The following ERICH1 variants were observed in gnomAD, a reference collection of about 807,000 sequenced individuals.
ERICH1 encodes the protein glutamate-rich protein 1.
Under a neutral mutation model 39.6 loss-of-function variants are expected in ERICH1, and 56 were observed. The ratio of observed to expected loss-of-function variants is 1.41; its 90% CI spans 1.14 to 1.77. The LOEUF (loss-of-function observed/expected upper bound fraction) is 1.77, where lower values mean the gene tolerates loss of function less well. Among genes scored for constraint, ERICH1 ranks in the 40% most tolerant of loss-of-function variants. The probability of loss-of-function intolerance (pLI) is 0.00; values close to 1 mark genes in which losing one functional copy is unlikely to be tolerated. For synonymous variants in ERICH1, 313 were observed against 223.6 expected (o/e 1.40, Z -3.57); for missense variants, 826 against 575.4 (o/e 1.44, Z -4.45).
intron 3 of ERICH1, among the ~76,000 whole-genome samples, chr8:636,222 T>G (rs1031961415): frequency 6.6e-6 from 1 of 152,186 alleles, no homozygotes; most frequent in African/African-American, 2.4e-5. Context: ...ACCACCTCCA[T>G]GGCCCTGAGC....
intron 3 of ERICH1, among the ~76,000 whole-genome samples, chr8:682,366 C>G (rs2131964514): frequency 6.6e-6 from 1 of 152,302 alleles, no homozygotes; most frequent in Middle Eastern, 3.4e-3. Context: ...GAGGCTTCAT[C>G]CAAACAGCTC....
intron 3 of ERICH1, among the ~76,000 whole-genome samples, chr8:692,219 A>C (rs1809056117): frequency 6.6e-6 from 1 of 152,236 alleles, no homozygotes; most frequent in Non-Finnish European, 1.5e-5. Context: ...AAGCATTAAC[A>C]AACATGGGCT....
At chr8:685,038 A>T (rs1806983032) in intron 3 of ERICH1, among the ~76,000 whole-genome samples, 1 of 152,218 alleles carries the variant, frequency 6.6e-6, no homozygotes, top group South Asian at 2.1e-4. Context: ...ACTAGAATTC[A>T]CCAGGCTGGA....
At chr8:671,227 C>G (rs1372272677) in intron 4 of ERICH1, among the ~76,000 whole-genome samples, 1 of 142,222 alleles carries the variant, frequency 7.0e-6, no homozygotes, top group African/African-American at 2.7e-5. Context: ...GCCCACTGGT[C>G]CCCAGGCTCT....
chr8:641,018 C>T (rs1240792311), intron 3 of ERICH1: 1 of 152,176 alleles, frequency 6.6e-6, no homozygotes, highest in Non-Finnish European at 1.5e-5. Flanking sequence ...GGGATTCGCC[C>T]TGATGCTTCG....
intron 2 of ERICH1, among the ~76,000 whole-genome samples, chr8:711,549 A>T (rs959573598): frequency 6.7e-6 from 1 of 149,958 alleles, no homozygotes; most frequent in African/African-American, 2.5e-5. Context: ...CCCAGGCCGG[A>T]CTGCAGTGGC....
intron 3 of ERICH1, among the ~76,000 whole-genome samples, chr8:674,294 T>TG (rs1804152920): frequency 7.5e-6 from 1 of 133,568 alleles, no homozygotes. Context: ...TACAAGTTGT[T>TG]GCTTTTTTTT....
chr8:699,253 C>T (rs1811099137), intron 2 of ERICH1, among the ~76,000 whole-genome samples: 1 of 152,120 alleles, frequency 6.6e-6, no homozygotes, highest in Non-Finnish European at 1.5e-5. Flanking sequence ...AAAGGTATTT[C>T]CCACCTGCAT....
intron 3 of ERICH1, among the ~76,000 whole-genome samples, chr8:635,542 C>T (rs1022779162): frequency 6.6e-6 from 1 of 152,202 alleles, no homozygotes; most frequent in African/African-American, 2.4e-5. Context: ...GATCACAGCC[C>T]GCAGGCGGCA....
At chr8:705,710 G>A (rs2132247110) in intron 2 of ERICH1, among the ~76,000 whole-genome samples, 1 of 152,262 alleles carries the variant, frequency 6.6e-6, no homozygotes, top group East Asian at 1.9e-4. Flanking sequence ...ACAAAAGGAA[G>A]CAAAGGGCAT....
intron 3 of ERICH1, among the ~76,000 whole-genome samples, chr8:625,167 G>T (rs1175015820): frequency 6.6e-6 from 1 of 152,116 alleles, no homozygotes; most frequent in Non-Finnish European, 1.5e-5. Context: ...GATTTGGGTG[G>T]GGACACGAAT....
At chr8:631,622 T>G (rs892209708) in intron 3 of ERICH1, among the ~76,000 whole-genome samples, 2 of 152,198 alleles carry the variant, frequency 1.3e-5, no homozygotes, top group Non-Finnish European at 2.9e-5. Flanking sequence ...GAGAGTTTTT[T>G]GTTTGTTTGT....
intron 3 of ERICH1, among the ~76,000 whole-genome samples, chr8:636,252 C>T (rs554758440): frequency 5.3e-5 from 8 of 152,370 alleles, no homozygotes; most frequent in African/African-American, 1.9e-4. Flanking sequence ...CGTTCACAGC[C>T]TCCCTGAAGC....
rs116103379 is a variant in ERICH1, at chr8:708,310, C to T, written c.169+7551G>A. Among the ~76,000 whole-genome samples, 1,426 of 152,272 alleles carry T rather than the reference C, an allele frequency of 9.4e-3. 24 individuals are homozygous for T. The highest frequency in any genetic ancestry group is 0.032 in the African/African-American group (1,333 of 41,534). ...AGTATAAACTCAAGAGAATCGAAAA[C>T]ATACGTCCACACCAGGCCACACAAG... On this transcript the variant is annotated intron_variant, in intron 2 of 5. Transcript: ENST00000262109.
At chr8:712,411 A>G (rs2132313049) in intron 2 of ERICH1, among the ~76,000 whole-genome samples, 1 of 149,002 alleles carries the variant, frequency 6.7e-6, no homozygotes, top group South Asian at 2.2e-4. Context: ...TGGTAATATA[A>G]ATGATACCGT....
intron 4 of ERICH1, among the ~76,000 whole-genome samples, chr8:672,488 C>A (rs1563221803): frequency 6.6e-6 from 1 of 152,158 alleles, no homozygotes; most frequent in Non-Finnish European, 1.5e-5. Context: ...CATAAGAACA[C>A]CATCAAATGC....
At chr8:698,104 C>T (rs941463742) in intron 2 of ERICH1, among the ~76,000 whole-genome samples, 2 of 152,208 alleles carry the variant, frequency 1.3e-5, no homozygotes, top group African/African-American at 2.4e-5. Context: ...CGCCTGCCCC[C>T]GTGCAGGGGT....
intron 2 of ERICH1, among the ~76,000 whole-genome samples, chr8:698,472 G>C (rs1810896344): frequency 6.6e-6 from 1 of 152,088 alleles, no homozygotes; most frequent in Non-Finnish European, 1.5e-5. Context: ...TCCTGCCTCG[G>C]CCTCCTAAAG....
In ERICH1 at chr8:673,865, T is replaced by G; in HGVS notation, c.487A>C (p.Arg163=). Reference sequence around the variant, plus strand: ...ATTTGCTGTTTCTTTTTCAGTTTCCTTTTTTTATTTTTGCTTATTGTGGTG... The same window carrying G: ...ATTTGCTGTTTCTTTTTCAGTTTCCGTTTTTTATTTTTGCTTATTGTGGTG... ...DGTTISKNKK[R]KLKKKQQIKR... Residue 163 remains arginine, a synonymous_variant, in exon 4 of 6, where the codon AGG becomes CGG. Transcript: ENST00000262109. 1.2e-6 allele frequency: 2 copies of G among 1,613,580 alleles called. No homozygotes were observed. The highest frequency in any genetic ancestry group is 2.2e-5 in the South Asian group (2 of 91,042).
Sources: allele counts gnomAD v4.1 joint callset (sites outside exome capture counted in the v4.1 genomes callset), GRCh38; gene constraint gnomAD v4.1.1; transcripts MANE v1.5; gene names NCBI Gene and HGNC (gene_info 2026-07-23, HGNC 2026-07-21).